Variants in GNB1 observed in about 807,000 individuals in gnomAD.
The protein encoded by GNB1 is G protein subunit beta 1, also known as guanine nucleotide-binding protein G(I)/G(S)/G(T) subunit beta-1.
A neutral mutation model predicts 42.9 loss-of-function variants in GNB1; 2 were observed. The ratio of observed to expected loss-of-function variants is 0.05; its 90% confidence interval spans 0.02 to 0.15. The LOEUF (loss-of-function observed/expected upper bound fraction) is 0.15, where lower values mean the gene tolerates loss of function less well. Among genes scored for constraint, GNB1 ranks in the 10% least tolerant of loss-of-function variants. The pLI, the probability that GNB1 is intolerant of heterozygous loss-of-function variation, is 1.00. For synonymous variants in GNB1, 183 were observed against 174.7 expected, an observed-to-expected ratio of 1.05 and a Z score of -0.38; for missense variants, 193 against 462.2, an observed-to-expected ratio of 0.42 and a Z score of 5.34.
intron 7 of GNB1, among the ~76,000 whole-genome samples, chr1:1,796,697 C>T (rs11582768): frequency 2.0e-5 from 3 of 152,162 alleles, no homozygotes; most frequent in African/African-American, 7.2e-5. Context: ...AGACCCTGAA[C>T]AAAAGTGTGC....
chr1:1,860,294 G>C (rs1164020940), intron 1 of GNB1, among the ~76,000 whole-genome samples: 1 of 152,136 alleles, frequency 6.6e-6, no homozygotes, highest in African/African-American at 2.4e-5. Flanking sequence ...GCATGATAGA[G>C]GGTGGCAAGA....
chr1:1,855,708 A>G (rs1186836093), intron 1 of GNB1, among the ~76,000 whole-genome samples: 1 of 152,216 alleles, frequency 6.6e-6, no homozygotes, highest in Non-Finnish European at 1.5e-5. Context: ...CGTCTCAAAA[A>G]AAAAACAAAA....
intron 6 of GNB1, among the ~76,000 whole-genome samples, chr1:1,805,383 C>A (rs1188473101): frequency 1.3e-5 from 2 of 151,184 alleles, no homozygotes; most frequent in African/African-American, 4.9e-5. Context: ...GTCGCTTGAA[C>A]CAGGGGGGTG....
chr1:1,871,250 A>G (rs1649231603), intron 1 of GNB1, among the ~76,000 whole-genome samples: 1 of 152,162 alleles, frequency 6.6e-6, no homozygotes. Flanking sequence ...ACTTAAGGCC[A>G]GGAGTTAGAG....
intron 1 of GNB1, among the ~76,000 whole-genome samples, chr1:1,860,634 C>T (rs1432444176): frequency 2.1e-5 from 3 of 145,264 alleles, no homozygotes; most frequent in Non-Finnish European, 4.5e-5. Context: ...AAGACTCCAT[C>T]TCCAACAAAA....
chr1:1,861,956 C>G (rs1243794159), intron 1 of GNB1, among the ~76,000 whole-genome samples: 1 of 152,094 alleles, frequency 6.6e-6, no homozygotes, highest in Non-Finnish European at 1.5e-5. Flanking sequence ...ATCCCAGCTA[C>G]TCGGGAGGCT....
chr1:1,836,559 AT>A lies in GNB1; in HGVS notation c.-47+2630del, dbSNP rs56231009. 2.8e-3 allele frequency among the ~76,000 whole-genome samples: 416 copies of A among 148,500 alleles called. 1 individual carries two copies. The highest frequency in any genetic ancestry group is 1.0e-2 in the African/African-American group (404 of 40,568). ...GACACACAACACGATGCCTGGCTAA[AT>A]TTTTTTTTTGGAGACAGTCTCGCTT... On this transcript the variant is annotated intron_variant, in intron 2 of 11. Transcript: ENST00000378609.
chr1:1,837,245 C>T (rs931526208), intron 2 of GNB1, among the ~76,000 whole-genome samples: 3 of 151,212 alleles, frequency 2.0e-5, no homozygotes, highest in Middle Eastern at 3.5e-3. Flanking sequence ...GTATATGATC[C>T]ATTGAGTTAA....
chr1:1,791,395 G>A (rs1646479787), intron 8 of GNB1, among the ~76,000 whole-genome samples: 1 of 151,934 alleles, frequency 6.6e-6, no homozygotes, highest in South Asian at 2.1e-4. Context: ...GACTGGTCTC[G>A]AACTCCTGAC....
At chr1:1,854,633 G>T (rs1369346318) in intron 1 of GNB1, among the ~76,000 whole-genome samples, 1 of 152,204 alleles carries the variant, frequency 6.6e-6, no homozygotes, top group Non-Finnish European at 1.5e-5. Context: ...TAAGCTGGGC[G>T]CATTGGCTCA....
At chr1:1,855,411 A>G (rs953828957) in intron 1 of GNB1, among the ~76,000 whole-genome samples, 6 of 151,758 alleles carry the variant, frequency 4.0e-5, no homozygotes, top group Admixed American at 3.3e-4. Flanking sequence ...AAGCAAAACA[A>G]TAACTCCCGG....
chr1:1,864,332 A>AAAAAAAAAAAAAAAAAC (rs1648799797), intron 1 of GNB1, among the ~76,000 whole-genome samples: 1 of 148,940 alleles, frequency 6.7e-6, no homozygotes, highest in Non-Finnish European at 1.5e-5. Context: ...AAAAAAAAAA[A>AAAAAAAAAAAAAAAAAC]AAAAGAAGAA....
intron 1 of GNB1, among the ~76,000 whole-genome samples, chr1:1,859,996 T>G (rs1022263014): frequency 6.6e-6 from 1 of 152,134 alleles, no homozygotes; most frequent in African/African-American, 2.4e-5. Context: ...ACATGGCACA[T>G]GTATACATAT....
At chr1:1,825,093 G>C (rs959659176) in intron 3 of GNB1, 7 of 275,044 alleles carry the variant, frequency 2.5e-5, no homozygotes, top group Non-Finnish European at 4.8e-5. Flanking sequence ...ATCACAGTCT[G>C]ATCAGTGGCC....
chr1:1,863,273 G>T (rs1445272872), intron 1 of GNB1, among the ~76,000 whole-genome samples: 1 of 152,190 alleles, frequency 6.6e-6, no homozygotes, highest in Non-Finnish European at 1.5e-5. Flanking sequence ...GAGGGCCACA[G>T]AGAAACAAAG....
chr1:1,830,518 G>C (rs1647061604), intron 2 of GNB1, among the ~76,000 whole-genome samples: 1 of 151,862 alleles, frequency 6.6e-6, no homozygotes, highest in African/African-American at 2.4e-5. Flanking sequence ...CGAAGTGCTG[G>C]GATTACAAGA....
chr1:1,862,771 G>A (rs1442309493), intron 1 of GNB1, among the ~76,000 whole-genome samples: 2 of 152,072 alleles, frequency 1.3e-5, no homozygotes, highest in East Asian at 1.9e-4. Flanking sequence ...TACTTTATTT[G>A]TACAGAAGCA....
intron 7 of GNB1, among the ~76,000 whole-genome samples, chr1:1,801,357 T>C (rs1324888160): frequency 2.0e-5 from 3 of 152,188 alleles, no homozygotes; most frequent in African/African-American, 7.2e-5. Flanking sequence ...TTTATTCACA[T>C]TATAAGACCC....
At chr1:1,880,489 C>T (rs912233479) in intron 1 of GNB1, among the ~76,000 whole-genome samples, 10 of 151,520 alleles carry the variant, frequency 6.6e-5, no homozygotes, top group African/African-American at 2.4e-4. Flanking sequence ...TCGGAGAGGC[C>T]GAGGCAGAAT....
Sources: gnomAD v4.1 joint callset for allele counts (sites outside exome capture counted in the v4.1 genomes callset) on GRCh38, gnomAD v4.1.1 for gene constraint, MANE v1.5 for transcripts, NCBI Gene and HGNC (gene_info 2026-07-23, HGNC 2026-07-21) for gene names.